Variants in MACROD2 observed in about 807,000 individuals in gnomAD.
MACROD2 encodes mono-ADP ribosylhydrolase 2.
MACROD2 carries 36 observed loss-of-function variants against 70.4 expected under a neutral mutation model. The observed-to-expected ratio is 0.51, with a 90% CI of 0.39 to 0.68. The LOEUF is 0.68. Among genes scored for constraint, MACROD2 ranks in the 30% least tolerant of loss-of-function variants. MACROD2 has a pLI of 0.00. For missense variants in MACROD2, 496 were observed against 538.4 expected (o/e 0.92, Z 0.78); for synonymous variants, 172 against 178.8 (o/e 0.96, Z 0.30).
chr20:14,083,579 A>G (rs542045748), intron 2 of MACROD2, among the ~76,000 whole-genome samples: 2 of 152,306 alleles, frequency 1.3e-5, no homozygotes, highest in East Asian at 1.9e-4. Flanking sequence ...TAGGATTTTA[A>G]CAGAGTCAGT....
intron 5 of MACROD2, chr20:15,196,873 A>G (rs1437952751): frequency 2.0e-6 from 2 of 985,288 alleles, no homozygotes; most frequent in African/African-American, 3.5e-5. Context: ...CGAGAAGCAG[A>G]TGACAGGCTC....
chr20:14,633,318 A>G (rs1221892295), intron 4 of MACROD2, among the ~76,000 whole-genome samples: 1 of 152,128 alleles, frequency 6.6e-6, no homozygotes, highest in Non-Finnish European at 1.5e-5. Context: ...CCCTTTTTCC[A>G]CAGACGGTAA....
chr20:14,409,479 A>G (rs1055697695), intron 3 of MACROD2, among the ~76,000 whole-genome samples: 1 of 151,924 alleles, frequency 6.6e-6, no homozygotes, highest in Non-Finnish European at 1.5e-5. Flanking sequence ...ACCGAGACCC[A>G]GAGAGATTAA....
intron 2 of MACROD2, among the ~76,000 whole-genome samples, chr20:14,040,287 T>C (rs1374199634): frequency 6.6e-6 from 1 of 152,176 alleles, no homozygotes; most frequent in Admixed American, 6.5e-5. Flanking sequence ...AGCATGTTAC[T>C]GTACTGAATA....
At chr20:15,433,070 A>G (rs1477962881) in intron 7 of MACROD2, among the ~76,000 whole-genome samples, 2 of 152,100 alleles carry the variant, frequency 1.3e-5, no homozygotes, top group Non-Finnish European at 1.5e-5. Flanking sequence ...AATAAAAGCC[A>G]TATATGACAA....
intron 5 of MACROD2, chr20:14,893,860 C>G (rs2122520251): frequency 6.6e-6 from 1 of 152,302 alleles, no homozygotes; most frequent in South Asian, 2.1e-4. Context: ...ACACAGCTCT[C>G]TATAGCCTTG....
In MACROD2 at chr20:16,003,944, C is replaced by T. The variant is rs1181568290; in HGVS notation, c.1153+16786C>T. ...TCGGCCTCCAAAAGTGCTGGGATTA[C>T]GGGCTTGAGCCACCGTGCCCGGCCA... is the stretch of plus-strand genomic sequence containing the variant. On this transcript the variant is annotated intron_variant, in intron 15 of 17. Coordinates refer to ENST00000684519, the MANE Select transcript of MACROD2 (RefSeq NM_001351661.2). 5.9e-5 allele frequency among the ~76,000 whole-genome samples: 9 copies of T among 152,262 alleles called. No individual in the cohort carries two copies. The South Asian group carries it at 8.3e-4, about 14-fold the overall frequency.
At chr20:15,841,914 T>C (rs533657901) in intron 8 of MACROD2, among the ~76,000 whole-genome samples, 42 of 152,252 alleles carry the variant, frequency 2.8e-4, no homozygotes, top group African/African-American at 9.9e-4. Context: ...TTTCCTCTTA[T>C]ATAGTAATGG....
chr20:15,867,170 A>T (rs999558879), intron 9 of MACROD2, among the ~76,000 whole-genome samples: 1 of 152,144 alleles, frequency 6.6e-6, no homozygotes, highest in Non-Finnish European at 1.5e-5. Context: ...ATACCAGTCA[A>T]ATGGGATTTG....
chr20:13,995,898 C>T lies in MACROD2; in HGVS notation c.46+89C>T. On this transcript the variant is annotated intron_variant, in intron 1 of 17. Coordinates refer to ENST00000684519, the MANE Select transcript of MACROD2 (RefSeq NM_001351661.2). The surrounding 1 kb of genome is among the most constrained non-coding windows in gnomAD (Gnocchi z 4.3). The stretch of plus-strand genomic sequence containing the variant: ...GCTGTGTGTGCCGCGGCGCCCTCCG[C>T]CCGAGCTCCCGCCTCGCGCCCTCCC... The T allele has an allele frequency of 1.3e-5, 19 of 1,452,520 alleles. No homozygotes were observed. The highest frequency in any genetic ancestry group is 1.8e-5 in the Non-Finnish European group (19 of 1,061,726). The allele number at this position is 1,452,520 out of a possible 1,614,324, so 90.0% of individuals were successfully genotyped here.
chr20:16,021,753 A>C (rs977091460), intron 15 of MACROD2, among the ~76,000 whole-genome samples: 8 of 152,188 alleles, frequency 5.3e-5, no homozygotes, highest in African/African-American at 1.9e-4. Context: ...CATGCCCAGA[A>C]TCACTCGGCC....
chr20:15,761,107 G>A lies in MACROD2; in HGVS notation c.646-101638G>A, dbSNP rs182522730. 4.7e-3 allele frequency among the ~76,000 whole-genome samples: 721 copies of A among 152,322 alleles called. 9 individuals are homozygous for A. The highest frequency in any genetic ancestry group is 0.016 in the African/African-American group (670 of 41,580). ...ACTGTCCAGGCTGGAGTGCAGTGGT[G>A]TGATCTTGGCTCACTGCAACCTCTG... is the stretch of plus-strand genomic sequence containing the variant. On this transcript the variant is annotated intron_variant, in intron 8 of 17. Coordinates refer to ENST00000684519, the MANE Select transcript of MACROD2 (RefSeq NM_001351661.2).
intron 5 of MACROD2, among the ~76,000 whole-genome samples, chr20:14,715,653 C>G (rs1056067583): frequency 2.0e-5 from 3 of 152,144 alleles, no homozygotes; most frequent in African/African-American, 7.2e-5. Context: ...ACTGTCCCAT[C>G]TGTTCAGACA....
intron 3 of MACROD2, among the ~76,000 whole-genome samples, chr20:14,123,931 C>A (rs959564626): frequency 6.6e-6 from 1 of 152,130 alleles, no homozygotes; most frequent in Admixed American, 6.5e-5. Flanking sequence ...TATTTAAAAT[C>A]TCTCTCTCCT....
At chr20:14,526,049 TTTGTC>T (rs1379651782) in intron 4 of MACROD2, among the ~76,000 whole-genome samples, 1 of 152,166 alleles carries the variant, frequency 6.6e-6, no homozygotes, top group Non-Finnish European at 1.5e-5. Context: ...AAGCCCTTCT[TTTGTC>T]TTGTTGGCTG....
chr20:14,059,903 A>G (rs951321957), intron 2 of MACROD2, among the ~76,000 whole-genome samples: 1 of 152,182 alleles, frequency 6.6e-6, no homozygotes, highest in Non-Finnish European at 1.5e-5. Context: ...GTGACATTTG[A>G]ATTAGTAACT....
chr20:14,496,239 A>G (rs753505365), intron 4 of MACROD2, among the ~76,000 whole-genome samples: 24 of 152,222 alleles, frequency 1.6e-4, no homozygotes, highest in Non-Finnish European at 2.6e-4. Context: ...GTCCATCAAG[A>G]GAATAATTTT....
chr20:15,178,904 C>A (rs41447447), intron 5 of MACROD2, among the ~76,000 whole-genome samples: 1,759 of 152,048 alleles, frequency 0.012, 27 homozygotes, highest in African/African-American at 0.039. Flanking sequence ...ATAGCAGGGG[C>A]AAATTGAACA....
At chr20:15,977,623 T>C (rs577913454) in intron 13 of MACROD2, among the ~76,000 whole-genome samples, 2 of 152,320 alleles carry the variant, frequency 1.3e-5, no homozygotes, top group African/African-American at 4.8e-5. Flanking sequence ...GATGACTTCT[T>C]ATTAAATGGG....
Sources: allele counts gnomAD v4.1 joint callset (sites outside exome capture counted in the v4.1 genomes callset), GRCh38; gene constraint gnomAD v4.1.1; non-coding constraint Gnocchi (gnomAD v3.1); transcripts MANE v1.5; gene names NCBI Gene and HGNC (gene_info 2026-07-23, HGNC 2026-07-21).